GHR: variants seen among roughly 807,000 people sequenced by gnomAD.
GHR encodes GH receptor.
A neutral mutation model predicts 67.1 loss-of-function variants in GHR; 35 were observed. That is an observed-to-expected ratio of 0.52 (90% CI 0.40 to 0.69). The LOEUF is 0.69. GHR is among the 30% of genes least tolerant of loss of function. The pLI is 0.00. For synonymous variants in GHR, 272 were observed against 269.1 expected, an observed-to-expected ratio of 1.01 and a Z score of -0.10; for missense variants, 792 against 764.6, an observed-to-expected ratio of 1.04 and a Z score of -0.42.
At chr5:42,479,751 T>G (rs1039848761) in intron 1 of GHR, among the ~76,000 whole-genome samples, 2 of 152,232 alleles carry the variant, frequency 1.3e-5, no homozygotes, top group African/African-American at 4.8e-5. Flanking sequence ...TCATTTTTTA[T>G]TGCGTCTATT....
At chr5:42,565,381 G>C (rs1554020174) in intron 1 of GHR, 1 of 866,318 alleles carries the variant, frequency 1.2e-6, no homozygotes, top group Non-Finnish European at 1.4e-6. Context: ...GTTTTGAGTG[G>C]TTTGAGCTCT....
chr5:42,494,944 A>G (rs1746258787), intron 1 of GHR, among the ~76,000 whole-genome samples: 1 of 152,030 alleles, frequency 6.6e-6, no homozygotes. Context: ...TCCCCCTTAG[A>G]AGGGTGATGG....
At chr5:42,535,361 TA>T (rs1195054947) in intron 1 of GHR, among the ~76,000 whole-genome samples, 2 of 152,118 alleles carry the variant, frequency 1.3e-5, no homozygotes, top group African/African-American at 4.8e-5. Context: ...GATCCAGTTT[TA>T]TTCTCGTATA....
chr5:42,718,441 T>C lies in GHR; in HGVS notation c.946-12T>C, dbSNP rs2111864315. On this transcript the variant is annotated splice_polypyrimidine_tract_variant and intron_variant, in intron 9 of 9. Coordinates refer to ENST00000230882, the MANE Select transcript of GHR (RefSeq NM_000163.5). ...TCTTTTCATAGATCTTCATTTTCTT[T>C]CTATTTTCTAGGAAGGAAAATTAGA... 6.3e-7 allele frequency: 1 copy of C among 1,586,670 alleles called. No homozygotes were observed. Among genetic ancestry groups the C allele is most frequent in the Non-Finnish European group, 8.7e-7 (1 of 1,155,902 alleles).
rs1561325302 is a variant in GHR, at chr5:42,474,273, AAGAAAGAAAGAAAAAGAGAAAG to A, written c.-12+50332_-12+50353del. On this transcript the variant is annotated intron_variant, in intron 1 of 9. Transcript: ENST00000230882. Reference sequence around the variant, plus strand: ...AAAGACAGACAGAAAGAAAGAAAGAAAGAAAGAAAGAAAAAGAGAAAGAGAAAGAAAGAAAGAAAGAAAGAAA... The same window carrying A: ...AAAGACAGACAGAAAGAAAGAAAGAAAGAAAGAAAGAAAGAAAGAAAGAAA... Among the ~76,000 whole-genome samples the A allele has an allele frequency of 9.0e-5, 11 of 121,684 alleles. 1 individual carries two copies. Among genetic ancestry groups the A allele is most frequent in the African/African-American group, 2.0e-4 (6 of 30,104 alleles). 79.8% of individuals were successfully genotyped at this position (121,684 alleles called of 152,430 possible).
At chr5:42,636,638 C>T (rs1431797252) in intron 3 of GHR, among the ~76,000 whole-genome samples, 1 of 152,224 alleles carries the variant, frequency 6.6e-6, no homozygotes, top group Non-Finnish European at 1.5e-5. Flanking sequence ...ACACTGGCTC[C>T]TCCTAGTGGG....
At chr5:42,553,349 C>G (rs1266670188) in intron 1 of GHR, among the ~76,000 whole-genome samples, 1 of 152,162 alleles carries the variant, frequency 6.6e-6, no homozygotes, top group Admixed American at 6.5e-5. Flanking sequence ...TTCCCCATTT[C>G]CTTGCTGGCT....
intron 3 of GHR, among the ~76,000 whole-genome samples, chr5:42,684,789 A>C (rs910655380): frequency 6.6e-6 from 1 of 152,140 alleles, no homozygotes; most frequent in African/African-American, 2.4e-5. Context: ...GATTACAAAA[A>C]CACTCCTGCT....
chr5:42,653,988 C>T (rs1056462597), intron 3 of GHR, among the ~76,000 whole-genome samples: 3 of 152,148 alleles, frequency 2.0e-5, no homozygotes, highest in Non-Finnish European at 1.5e-5. Context: ...CCAGTGAGTA[C>T]TGCATATTTC....
At chr5:42,608,105 G>A (rs1017424070) in intron 2 of GHR, among the ~76,000 whole-genome samples, 1 of 152,048 alleles carries the variant, frequency 6.6e-6, no homozygotes, top group Admixed American at 6.6e-5. Flanking sequence ...TCATCTCCTT[G>A]AGCCCCAGTT....
intron 3 of GHR, among the ~76,000 whole-genome samples, chr5:42,651,010 G>A (rs1350360152): frequency 1.3e-5 from 2 of 152,128 alleles, no homozygotes; most frequent in African/African-American, 4.8e-5. Flanking sequence ...TTGTTGAATA[G>A]GGAAAAGAGA....
rs35265170 is a variant in GHR at position 42,718,439 on chromosome 5, T to C, written c.946-14T>C. The C allele has an allele frequency of 2.8e-5, 45 of 1,582,190 alleles. No homozygotes were observed. In the African/African-American group the frequency reaches 5.8e-4, roughly 20 times the overall value. On this transcript the variant is annotated splice_polypyrimidine_tract_variant and intron_variant, in intron 9 of 9. Coordinates refer to ENST00000230882, the MANE Select transcript of GHR (RefSeq NM_000163.5). ...TTTCTTTTCATAGATCTTCATTTTC[T>C]TTCTATTTTCTAGGAAGGAAAATTA... is the stretch of plus-strand genomic sequence containing the variant.
intron 1 of GHR, among the ~76,000 whole-genome samples, chr5:42,518,201 TTCTG>T (rs1165591869): frequency 1.4e-5 from 2 of 144,632 alleles, no homozygotes; most frequent in South Asian, 2.2e-4. Flanking sequence ...GTATTAATAA[TTCTG>T]TGTGTGTGTG....
intron 1 of GHR, among the ~76,000 whole-genome samples, chr5:42,449,937 A>T (rs571271729): frequency 9.3e-4 from 142 of 152,090 alleles, no homozygotes; most frequent in African/African-American, 3.3e-3. Context: ...ACATTTATTG[A>T]CTCGGGTATG....
intron 2 of GHR, among the ~76,000 whole-genome samples, chr5:42,583,544 G>A (rs977502793): frequency 6.6e-6 from 1 of 152,162 alleles, no homozygotes; most frequent in Non-Finnish European, 1.5e-5. Flanking sequence ...ACAAGTCAGC[G>A]CAGGTCCCCA....
intron 1 of GHR, among the ~76,000 whole-genome samples, chr5:42,450,476 G>A (rs193181492): frequency 7.9e-5 from 12 of 152,064 alleles, no homozygotes; most frequent in Non-Finnish European, 1.2e-4. Flanking sequence ...GCAATATCTC[G>A]TTTCATTTCT....
intron 1 of GHR, among the ~76,000 whole-genome samples, chr5:42,496,348 C>G (rs1746319202): frequency 6.6e-6 from 1 of 152,052 alleles, no homozygotes; most frequent in Admixed American, 6.6e-5. Flanking sequence ...CTTGTTCTCT[C>G]TTAGGAGAAG....
chr5:42,648,388 G>A lies in GHR; in HGVS notation c.136+19285G>A, dbSNP rs141489717. Among the ~76,000 whole-genome samples the A allele has an allele frequency of 1.3e-4, 20 of 152,288 alleles. No homozygotes were observed. The East Asian group carries it at 2.3e-3, about 18-fold the overall frequency. On this transcript the variant is annotated intron_variant, in intron 3 of 9. Transcript: ENST00000230882. ...TTATTTTCTAGGGTGAGGGGACATG[G>A]CCAGTAGTACAAAGAGCATGTGAAC...
chr5:42,477,568 C>G (rs899518145), intron 1 of GHR, among the ~76,000 whole-genome samples: 1 of 152,126 alleles, frequency 6.6e-6, no homozygotes, highest in Non-Finnish European at 1.5e-5. Flanking sequence ...TTTTAATGAT[C>G]GCCATTCCAA....
Sources: allele counts gnomAD v4.1 joint callset (sites outside exome capture counted in the v4.1 genomes callset), GRCh38; gene constraint gnomAD v4.1.1; transcripts MANE v1.5; gene names NCBI Gene and HGNC (gene_info 2026-07-23, HGNC 2026-07-21).